The following PTPRJ variants were observed in gnomAD, a reference collection of about 807,000 sequenced individuals.
PTPRJ encodes the protein receptor-type tyrosine-protein phosphatase eta.
A neutral mutation model predicts 141.3 loss-of-function variants in PTPRJ; 129 were observed. That is an observed-to-expected ratio of 0.91 (90% CI 0.79 to 1.06). PTPRJ has a LOEUF of 1.06. Ranked by LOEUF, PTPRJ falls within the 50% of genes least tolerant of loss-of-function variation. The probability of loss-of-function intolerance (pLI) is 0.00; values close to 1 mark genes in which losing one functional copy is unlikely to be tolerated. For synonymous variants in PTPRJ, 610 were observed against 640.5 expected (o/e 0.95, Z 0.72); for missense variants, 1,601 against 1,679.7 (o/e 0.95, Z 0.82).
intron 1 of PTPRJ, among the ~76,000 whole-genome samples, chr11:47,983,237 G>T (rs565518513): frequency 6.6e-6 from 1 of 151,954 alleles, no homozygotes; most frequent in Admixed American, 6.6e-5. Context: ...TGATAGGGAC[G>T]TATCACTGTG....
At chr11:48,038,608 C>G (rs1854188880) in intron 1 of PTPRJ, among the ~76,000 whole-genome samples, 1 of 151,940 alleles carries the variant, frequency 6.6e-6, no homozygotes, top group Non-Finnish European at 1.5e-5. Flanking sequence ...TCTTCTGCCT[C>G]AGCTTCCTGA....
intron 1 of PTPRJ, among the ~76,000 whole-genome samples, chr11:48,106,102 T>A (rs1480575876): frequency 1.3e-5 from 2 of 152,348 alleles, no homozygotes; most frequent in East Asian, 3.9e-4. Context: ...CAGTTCTATT[T>A]ATTTTTTTAC....
At chr11:48,132,382 T>A (rs1022113691) in intron 8 of PTPRJ, 3 of 977,772 alleles carry the variant, frequency 3.1e-6, no homozygotes, top group Non-Finnish European at 3.6e-6. Flanking sequence ...AATTTTTTTT[T>A]ATAGAAACAG....
intron 1 of PTPRJ, among the ~76,000 whole-genome samples, chr11:48,010,602 A>G (rs1439790404): frequency 6.6e-6 from 1 of 151,756 alleles, no homozygotes; most frequent in Non-Finnish European, 1.5e-5. Context: ...CAGTGGCGTG[A>G]TCTTGGCGCA....
At chr11:48,131,696 G>T (rs1283694106) in intron 8 of PTPRJ, 2 of 528,998 alleles carry the variant, frequency 3.8e-6, no homozygotes, top group Non-Finnish European at 6.8e-6. Flanking sequence ...AGTGGCAGCA[G>T]AGAACGTGTG....
intron 1 of PTPRJ, among the ~76,000 whole-genome samples, chr11:48,001,631 A>G (rs1339752525): frequency 5.3e-5 from 8 of 152,118 alleles, no homozygotes; most frequent in Non-Finnish European, 7.3e-5. Flanking sequence ...CTTTGTGTGT[A>G]TTGGCTGAGT....
intron 1 of PTPRJ, among the ~76,000 whole-genome samples, chr11:47,983,586 G>T (rs1359729339): frequency 6.6e-6 from 1 of 152,222 alleles, no homozygotes; most frequent in Non-Finnish European, 1.5e-5. Flanking sequence ...CCTTTTCTAA[G>T]ACAGGAAGGA....
At chr11:48,142,405 C>T (rs1358277808) in intron 11 of PTPRJ, among the ~76,000 whole-genome samples, 1 of 151,922 alleles carries the variant, frequency 6.6e-6, no homozygotes, top group Non-Finnish European at 1.5e-5. Flanking sequence ...TTTGATGGAG[C>T]ATTGAATTTA....
At chr11:47,989,701 C>G (rs777881173) in intron 1 of PTPRJ, among the ~76,000 whole-genome samples, 5 of 151,974 alleles carry the variant, frequency 3.3e-5, no homozygotes, top group African/African-American at 1.2e-4. Flanking sequence ...ATTAGTCCTT[C>G]GATTGTCATT....
chr11:47,987,582 C>T (rs1270669678), intron 1 of PTPRJ, among the ~76,000 whole-genome samples: 1 of 152,198 alleles, frequency 6.6e-6, no homozygotes, highest in Non-Finnish European at 1.5e-5. Flanking sequence ...TCCCTGCTGC[C>T]CGCTTCAGAG....
At chr11:48,026,286 C>G (rs1283058445) in intron 1 of PTPRJ, among the ~76,000 whole-genome samples, 1 of 152,128 alleles carries the variant, frequency 6.6e-6, no homozygotes, top group Non-Finnish European at 1.5e-5. Context: ...GAGGAAGGTG[C>G]TTAAGGTCTT....
intron 1 of PTPRJ, among the ~76,000 whole-genome samples, chr11:47,991,658 A>G (rs921760800): frequency 6.6e-6 from 1 of 152,162 alleles, no homozygotes; most frequent in African/African-American, 2.4e-5. Flanking sequence ...ATGGAGAACT[A>G]TGGGGAGATT....
intron 8 of PTPRJ, among the ~76,000 whole-genome samples, chr11:48,133,763 A>G (rs774424286): frequency 3.3e-5 from 5 of 152,328 alleles, no homozygotes; most frequent in Non-Finnish European, 7.4e-5. Context: ...ACAACAAAAT[A>G]CTATTCAGCC....
intron 1 of PTPRJ, among the ~76,000 whole-genome samples, chr11:48,095,593 T>TC (rs1323271433): frequency 6.6e-6 from 1 of 151,698 alleles, no homozygotes; most frequent in Non-Finnish European, 1.5e-5. Flanking sequence ...TTTTTTTTTT[T>TC]TTTGAGATGG....
chr11:48,043,709 G>T (rs1313413725), intron 1 of PTPRJ, among the ~76,000 whole-genome samples: 3 of 152,128 alleles, frequency 2.0e-5, no homozygotes, highest in Non-Finnish European at 4.4e-5. Flanking sequence ...CAGTGAAATG[G>T]ACGGTGGGAT....
chr11:48,155,771 A>G (rs1447593232), intron 19 of PTPRJ, 30 bp from the exon 20 acceptor site: 1 of 1,523,180 alleles, frequency 6.6e-7, no homozygotes, highest in Non-Finnish European at 9.0e-7. Context: ...TTTGCTTATA[A>G]TGGGGACCTT....
chr11:47,983,637 A>G (rs1853971538), intron 1 of PTPRJ, among the ~76,000 whole-genome samples: 1 of 152,198 alleles, frequency 6.6e-6, no homozygotes, highest in Admixed American at 6.5e-5. Context: ...TGCTAGTTGC[A>G]GTGTCTGACT....
chr11:48,095,708 G>A (rs773696672), intron 1 of PTPRJ, among the ~76,000 whole-genome samples: 3 of 151,522 alleles, frequency 2.0e-5, no homozygotes, highest in Non-Finnish European at 2.9e-5. Context: ...AGCCTCCCTC[G>A]TAGCTGGGAT....
chr11:48,125,241 G>A, intron 6 of PTPRJ, 55 bp downstream of exon 6: 1 of 1,565,966 alleles, frequency 6.4e-7, no homozygotes, highest in South Asian at 1.1e-5. Flanking sequence ...ACAATGTTCT[G>A]TCTCCTGTGA....
Sources: allele counts gnomAD v4.1 joint callset (sites outside exome capture counted in the v4.1 genomes callset), GRCh38; gene constraint gnomAD v4.1.1; transcripts MANE v1.5; gene names NCBI Gene and HGNC (gene_info 2026-07-23, HGNC 2026-07-21).